PFKFB3: variants seen among roughly 807,000 people sequenced by gnomAD.
The protein encoded by PFKFB3 is 6-phosphofructo-2-kinase/fructose-2,6-bisphosphatase 3.
PFKFB3 carries 33 observed loss-of-function variants against 68.0 expected under a neutral mutation model. The ratio of observed to expected loss-of-function variants is 0.49; its 90% CI spans 0.37 to 0.65. The LOEUF is 0.65. PFKFB3 is among the 30% of genes least tolerant of loss of function. PFKFB3 has a pLI of 0.00. For missense variants in PFKFB3, 586 were observed against 712.2 expected, an observed-to-expected ratio of 0.82 and a Z score of 2.02; for synonymous variants, 315 against 288.2, an observed-to-expected ratio of 1.09 and a Z score of -0.94.
At chr10:6,311,967 T>C in the PFKFB3 span, among the ~76,000 whole-genome samples, 1 of 152,116 alleles carries the variant, frequency 6.6e-6, no homozygotes, top group Non-Finnish European at 1.5e-5. Context: ...TTTCTGCAAG[T>C]AGAGGCACAG....
intron 14 of PFKFB3, among the ~76,000 whole-genome samples, chr10:6,227,754 T>A (rs1845450377): frequency 6.6e-6 from 1 of 152,184 alleles, no homozygotes; most frequent in Admixed American, 6.5e-5. Flanking sequence ...GCCCTCAGTC[T>A]CCTTAGCTTT....
At chr10:6,292,978 A>G in the PFKFB3 span, 2 of 209,934 alleles carry the variant, frequency 9.5e-6, no homozygotes, top group African/African-American at 4.7e-5. Flanking sequence ...GTGAGATGGA[A>G]AGATCCTCAT....
intron 14 of PFKFB3, among the ~76,000 whole-genome samples, chr10:6,242,122 G>A (rs1846155307): frequency 6.6e-6 from 1 of 151,916 alleles, no homozygotes; most frequent in African/African-American, 2.4e-5. Context: ...GGGATTATAG[G>A]CTTATGCTAC....
intron 14 of PFKFB3, chr10:6,245,655 C>G (rs1846241479): frequency 6.6e-6 from 1 of 152,104 alleles, no homozygotes; most frequent in African/African-American, 2.4e-5. Context: ...GTCTCAAACT[C>G]CTGGGGTCAA....
intron 14 of PFKFB3, among the ~76,000 whole-genome samples, chr10:6,227,856 GA>G (rs1203913268): frequency 6.6e-6 from 1 of 152,178 alleles, no homozygotes; most frequent in Admixed American, 6.5e-5. Flanking sequence ...CAGCAGAACT[GA>G]AATGGTGTCC....
chr10:6,231,392 C>T, intron 14 of PFKFB3: 1 of 1,598,646 alleles, frequency 6.3e-7, no homozygotes, highest in Non-Finnish European at 8.5e-7. Context: ...GGCCATCGTG[C>T]AATGCGGGGC....
At chr10:6,286,772 G>A in the PFKFB3 span, among the ~76,000 whole-genome samples, 1 of 152,122 alleles carries the variant, frequency 6.6e-6, no homozygotes, top group African/African-American at 2.4e-5. Context: ...TAAGTATTTT[G>A]TATTGATTGC....
At chr10:6,145,636 T>C (rs1841362031) in intron 1 of PFKFB3, among the ~76,000 whole-genome samples, 1 of 152,180 alleles carries the variant, frequency 6.6e-6, no homozygotes, top group African/African-American at 2.4e-5. Context: ...TCCCGCCCTC[T>C]GACCCCCGGG....
chr10:6,223,919 G>A (rs1845141247), intron 11 of PFKFB3, 39 bp from the exon 12 acceptor site: 2 of 1,587,802 alleles, frequency 1.3e-6, no homozygotes, highest in Non-Finnish European at 1.7e-6. Flanking sequence ...GCCTGGCCGT[G>A]TCTCATTTCT....
At chr10:6,309,283 G>C in the PFKFB3 span, among the ~76,000 whole-genome samples, 1 of 151,930 alleles carries the variant, frequency 6.6e-6, no homozygotes, top group Non-Finnish European at 1.5e-5. Flanking sequence ...TAATTTTTTC[G>C]CTGGGCGTGG....
intron 1 of PFKFB3, among the ~76,000 whole-genome samples, chr10:6,169,108 T>C (rs1842228168): frequency 6.6e-6 from 1 of 152,052 alleles, no homozygotes; most frequent in Admixed American, 6.6e-5. Context: ...GCCCGGCAAA[T>C]TTTTTGTATT....
intron 1 of PFKFB3, chr10:6,145,126 G>C: frequency 1.2e-6 from 1 of 861,802 alleles, no homozygotes; most frequent in East Asian, 3.4e-5. Flanking sequence ...CTGTGCACCC[G>C]GGCTGCGGCG....
At chr10:6,241,825 TA>T (rs1846147078) in intron 14 of PFKFB3, among the ~76,000 whole-genome samples, 1 of 151,610 alleles carries the variant, frequency 6.6e-6, no homozygotes. Flanking sequence ...TTCTTTTTTT[TA>T]ATTTTTTTTT....
rs76879006 is a variant in PFKFB3, at chr10:6,223,203, C to T, written c.1213+219C>T. On this transcript the variant is annotated intron_variant, in intron 11 of 14. Coordinates refer to ENST00000379775, the MANE Select transcript of PFKFB3 (RefSeq NM_004566.4). Reference sequence around the variant, plus strand: ...AATGCTGTGGAGCCCAGGTTGATGCCGGGGACTTCATTGCTTCATAAACAG... The same window carrying T: ...AATGCTGTGGAGCCCAGGTTGATGCTGGGGACTTCATTGCTTCATAAACAG... Among the ~76,000 whole-genome samples, 540 of 152,262 alleles carry T rather than the reference C, an allele frequency of 3.5e-3. 2 individuals are homozygous for T. The highest frequency in any genetic ancestry group is 6.6e-3 in the Admixed American group (101 of 15,288).
intron 1 of PFKFB3, among the ~76,000 whole-genome samples, chr10:6,211,327 C>T (rs947033648): frequency 2.0e-5 from 3 of 152,174 alleles, no homozygotes; most frequent in South Asian, 2.1e-4. Flanking sequence ...GCTTCCTTGG[C>T]GTGGTTCCGA....
chr10:6,158,928 G>A (rs899278529), intron 1 of PFKFB3, among the ~76,000 whole-genome samples: 1 of 151,712 alleles, frequency 6.6e-6, no homozygotes, highest in East Asian at 1.9e-4. Context: ...TAGTATTGCT[G>A]ATGTTCACAC....
the PFKFB3 span, among the ~76,000 whole-genome samples, chr10:6,292,278 CTTTTTTT>C: frequency 0.013 from 695 of 54,244 alleles, 6 homozygotes; most frequent in African/African-American, 0.05. Context: ...TTTTTTTTTT[CTTTTTTT>C]TTTTTTTTTT....
chr10:6,281,500 G>T, the PFKFB3 span, among the ~76,000 whole-genome samples: 1 of 151,942 alleles, frequency 6.6e-6, no homozygotes, highest in Non-Finnish European at 1.5e-5. Context: ...AGATATCGGG[G>T]CTCCCATAAC....
Position 6,215,243 on chromosome 10 carries a change from C to A in PFKFB3, c.225C>A (p.Arg75=). Residue 75 remains arginine (R), a synonymous_variant, in exon 3 of 15, where the codon CGC becomes CGA. Transcript: ENST00000379775. The surrounding 1 kb of genome is among the most constrained non-coding windows in gnomAD (Gnocchi z 4.3). ...CAGTGTTCAACGTCGGGGAGTATCG[C>A]CGGGAGGCTGTGAAGCAGTACAGCT... ...PTKVFNVGEY[R]REAVKQYSSY... 1.2e-6 allele frequency: 2 copies of A among 1,613,976 alleles called. No homozygotes were observed. The highest frequency in any genetic ancestry group is 1.7e-6 in the Non-Finnish European group (2 of 1,179,968).
Sources: allele counts gnomAD v4.1 joint callset (sites outside exome capture counted in the v4.1 genomes callset), GRCh38; gene constraint gnomAD v4.1.1; non-coding constraint Gnocchi (gnomAD v3.1); transcripts MANE v1.5; gene names NCBI Gene and HGNC (gene_info 2026-07-23, HGNC 2026-07-21).